The following KCNH6 variants were observed in gnomAD, a reference collection of about 807,000 sequenced individuals.
KCNH6 encodes the protein potassium voltage-gated channel subfamily H member 6, also known as voltage-gated inwardly rectifying potassium channel KCNH6.
KCNH6 carries 81 observed loss-of-function variants against 83.4 expected under a neutral mutation model. The ratio of observed to expected loss-of-function variants is 0.97; its 90% CI spans 0.81 to 1.17. KCNH6 has a LOEUF of 1.17. KCNH6 is among the 50% of genes most tolerant of loss of function. The pLI is 0.00. For missense variants in KCNH6, 1,203 were observed against 1,290.5 expected (o/e 0.93, Z 1.04); for synonymous variants, 503 against 545.6 (o/e 0.92, Z 1.09).
Position 63,544,313 on chromosome 17 carries a change from G to T in KCNH6, c.2298G>T (p.Met766Ile). The T allele has an allele frequency of 6.2e-7, 1 of 1,611,746 alleles. No homozygotes were observed. Among genetic ancestry groups the T allele is most frequent in the Non-Finnish European group, 8.5e-7 (1 of 1,178,966 alleles). ...SGLWPELLQE[M>I]PPRHSPQSPQ... ...TCTGGCCTGAGCTACTGCAGGAAAT[G>T]CCCCCAAGGCACAGCCCCCAAAGCC... is the stretch of plus-strand genomic sequence containing the variant. The change falls in exon 11 of 13, where the codon ATG becomes ATT. Residue 766 changes from methionine to isoleucine, a missense_variant. Met to Ile is a conservative substitution (Grantham distance 10, BLOSUM62 1). Coordinates refer to ENST00000314672, the MANE Select transcript of KCNH6 (RefSeq NM_001278919.2).
In KCNH6 at chr17:63,537,824, C is replaced by T. The variant is rs138673317; in HGVS notation, c.1502-241C>T. On this transcript the variant is annotated intron_variant, in intron 6 of 12. Transcript: ENST00000314672. ...ATCCATTGCCTTCCTTCTTTCTTCT[C>T]GGGAGTTTGACCGCTAGGCCCAGTA... 7.2e-5 allele frequency among the ~76,000 whole-genome samples: 11 copies of T among 152,294 alleles called. No homozygotes were observed. In the East Asian group the frequency reaches 2.1e-3, roughly 29 times the overall value.
At chr17:63,529,939 C>A in intron 2 of KCNH6, 152 bp from the exon 3 acceptor site, 1 of 792,382 alleles carries the variant, frequency 1.3e-6, no homozygotes, top group Non-Finnish European at 2.0e-6. Flanking sequence ...CAGCCTCACC[C>A]ACCCTCTGCC....
In KCNH6 at chr17:63,545,195, G is replaced by C; in HGVS notation, c.2514G>C (p.Leu838Phe). 6.2e-7 allele frequency: 1 copy of C among 1,613,792 alleles called. No individual in the cohort carries two copies. The highest frequency in any genetic ancestry group is 1.1e-5 in the South Asian group (1 of 91,084). The change falls in exon 12 of 13, where the codon TTG becomes TTC. Residue 838 changes from leucine (L) to phenylalanine (F), a missense_variant. Physicochemically the swap from Leu to Phe is conservative, Grantham distance 22 (BLOSUM62 0). Coordinates refer to ENST00000314672, the MANE Select transcript of KCNH6 (RefSeq NM_001278919.2). ...CCCCTGCCTCCAATGACCTGGCCTT[G>C]GTTCCTATAGCCTCGGAGACGACGA... ...LEAPASNDLA[L>F]VPIASETTSP... is the part of the protein sequence containing the mutation.
Position 63,533,902 on chromosome 17 carries a change from C to T in KCNH6, c.692C>T (p.Ala231Val), listed in dbSNP as rs759800226. ...CACCCCCAGGTCCTGTCCCTGGGCG[C>T]GGATGTGCTGCCGGAGTACAAGCTG... The part of the protein sequence containing the change: ...EKVTQVLSLG[A>V]DVLPEYKLQA... The change falls in exon 5 of 13, where the codon GCG becomes GTG. Residue 231 changes from alanine to valine, a missense_variant. Ala to Val is a moderately conservative substitution (Grantham distance 64, BLOSUM62 0). Coordinates refer to ENST00000314672, the MANE Select transcript of KCNH6 (RefSeq NM_001278919.2). This position sits in a 1 kb window ranked among gnomAD's most constrained non-coding sequence, Gnocchi z 4.1. 163 of 1,613,298 alleles carry T rather than the reference C, an allele frequency of 1.0e-4. No individual in the cohort carries two copies. The highest frequency in any genetic ancestry group is 1.8e-4 in the East Asian group (8 of 44,864).
rs777224357 is a variant in KCNH6 at position 63,543,663 on chromosome 17, G to A, written c.2233+3G>A. On this transcript the variant is annotated splice_donor_region_variant and intron_variant, in intron 10 of 12. Transcript: ENST00000314672. ...CTTTCTCAGTGACAACCAGTCAGGT[G>A]AGCAAAGCCAGCCCCCACCCCCACC... The A allele has an allele frequency of 2.7e-5, 44 of 1,604,578 alleles. No homozygotes were observed. The highest frequency in any genetic ancestry group is 7.7e-5 in the South Asian group (7 of 90,940).
At position 63,544,371 on chromosome 17, in the gene KCNH6, C is replaced by T. The variant is rs745962659; in HGVS notation, c.2356C>T (p.Leu786=). ...AGACCCAGATTGCTGGCCTCTGAAG[C>T]TGGGCTCCAGGCTAGAGCAGCTCCA... ...QEDPDCWPLK[L]GSRLEQLQAQ... The change falls in exon 11 of 13, where the codon CTG becomes TTG. Residue 786 remains leucine, a synonymous_variant. Coordinates refer to ENST00000314672, the MANE Select transcript of KCNH6 (RefSeq NM_001278919.2). The T allele has an allele frequency of 4.4e-6, 7 of 1,608,278 alleles. No homozygotes were observed. The African/African-American group carries it at 9.4e-5, about 22-fold the overall frequency.
rs759677672 is a variant in KCNH6 at position 63,535,726 on chromosome 17, G to A, written c.1159G>A (p.Ala387Thr). The change falls in exon 6 of 13, where the codon GCA becomes ACA. Residue 387 changes from alanine to threonine, a missense_variant. Ala to Thr is a moderately conservative substitution (Grantham distance 58, BLOSUM62 0). Coordinates refer to ENST00000314672, the MANE Select transcript of KCNH6 (RefSeq NM_001278919.2). This position sits in a 1 kb window ranked among gnomAD's most constrained non-coding sequence, Gnocchi z 4.9. ...GCGGCTGCTGCGGCTGGTGCGCGTA[G>A]CACGGAAGCTGGACCGCTACTCTGA... is the stretch of plus-strand genomic sequence containing the variant. ...TARLLRLVRVARKLDRYSEYG... is the reference protein window; with the variant it reads ...TARLLRLVRVTRKLDRYSEYG... 3.1e-6 allele frequency: 5 copies of A among 1,613,390 alleles called. No individual in the cohort carries two copies. Among genetic ancestry groups the A allele is most frequent in the Non-Finnish European group, 4.2e-6 (5 of 1,179,990 alleles).
rs2032653299 is a variant in KCNH6, at chr17:63,538,368, AC to A, written c.1702-38del. On this transcript the variant is annotated intron_variant, in intron 7 of 12. Coordinates refer to ENST00000314672, the MANE Select transcript of KCNH6 (RefSeq NM_001278919.2). This position sits in a 1 kb window ranked among gnomAD's most constrained non-coding sequence, Gnocchi z 4.0. Reference sequence around the variant, plus strand: ...CCTCACCACCCTCTCCCCCAGCCCCACCCCGGCCGCGTCCCGCTGGACTTGG... The same window carrying A: ...CCTCACCACCCTCTCCCCCAGCCCCACCCGGCCGCGTCCCGCTGGACTTGG... 4 of 1,587,394 alleles carry A rather than the reference AC, an allele frequency of 2.5e-6. No homozygotes were observed. The highest frequency in any genetic ancestry group is 2.7e-5 in the African/African-American group (2 of 74,088).
chr17:63,523,655 C>A lies in KCNH6; in HGVS notation c.76+166C>A, dbSNP rs1029578139. ...CCCAACACCTTCTCCTCCAGGGGGACCCGCTTGCCTTAAATGCTGTCCTCT... is the reference window on the plus strand; with the variant it reads ...CCCAACACCTTCTCCTCCAGGGGGAACCGCTTGCCTTAAATGCTGTCCTCT... On this transcript the variant is annotated intron_variant, in intron 1 of 12. Transcript: ENST00000314672. This position sits in a 1 kb window ranked among gnomAD's most constrained non-coding sequence, Gnocchi z 4.2. 6.6e-6 allele frequency among the ~76,000 whole-genome samples: 1 copy of A among 152,086 alleles called. No individual in the cohort carries two copies.
At position 63,534,064 on chromosome 17, in the gene KCNH6, A is replaced by G. The variant is rs748227803; in HGVS notation, c.854A>G (p.Gln285Arg). Residue 285 changes from glutamine (Q) to arginine (R), a missense_variant, in exon 5 of 13, where the codon CAG (glutamine) becomes CGG (arginine). By Grantham distance (43) the Gln-to-Arg change is conservative (BLOSUM62 1). Coordinates refer to ENST00000314672, the MANE Select transcript of KCNH6 (RefSeq NM_001278919.2). The surrounding 1 kb of genome is among the most constrained non-coding windows in gnomAD (Gnocchi z 5.0). ...PYSAAFLLSD[Q>R]DESRRGACSY... ...TCAGCCGCCTTCCTGCTCAGCGATC[A>G]GGACGAATCACGGCGTGGGGCCTGC... The G allele has an allele frequency of 6.2e-6, 10 of 1,614,156 alleles. No homozygotes were observed. The highest frequency in any genetic ancestry group is 8.5e-6 in the Non-Finnish European group (10 of 1,180,018).
chr17:63,527,071 G>T (rs575035117), intron 2 of KCNH6, among the ~76,000 whole-genome samples: 2 of 152,040 alleles, frequency 1.3e-5, no homozygotes, highest in African/African-American at 4.8e-5. Context: ...GCACCTGCCC[G>T]GGAGCCCACC....
rs1555678028 is a variant in KCNH6 at position 63,538,299 on chromosome 17, T to TA, written c.1701+35_1701+36insA. The stretch of plus-strand genomic sequence containing the variant: ...GCCGCTCCGGCTAATGCCCCGGGCG[T>TA]GGGGGGGAGCCAAGATCCTGCGGGG... On this transcript the variant is annotated intron_variant, in intron 7 of 12. Transcript: ENST00000314672. This position sits in a 1 kb window ranked among gnomAD's most constrained non-coding sequence, Gnocchi z 4.0. 3.5e-5 allele frequency: 57 copies of TA among 1,608,790 alleles called. No homozygotes were observed. The South Asian group carries it at 5.6e-4, about 16-fold the overall frequency.
In KCNH6 at chr17:63,538,261, C is replaced by T. The variant is rs773453218; in HGVS notation, c.1698C>T (p.Asn566=). ...AWSYTNGIDM[N]AVLKGFPECL... ...CCTACACCAATGGCATTGACATGAA[C>T]GCGGTGAGCCCCGCCGCTCCGGCTA... Residue 566 remains asparagine (N), a synonymous_variant, in exon 7 of 13, where the codon AAC becomes AAT. Coordinates refer to ENST00000314672, the MANE Select transcript of KCNH6 (RefSeq NM_001278919.2). The surrounding 1 kb of genome is among the most constrained non-coding windows in gnomAD (Gnocchi z 4.0). The T allele has an allele frequency of 3.1e-6, 5 of 1,613,506 alleles. No homozygotes were observed. Among genetic ancestry groups the T allele is most frequent in the Admixed American group, 1.7e-5 (1 of 59,986 alleles).
Position 63,534,031 on chromosome 17 carries a change from C to G in KCNH6, c.821C>G (p.Thr274Arg), listed in dbSNP as rs752536722. Residue 274 changes from threonine (T) to arginine (R), a missense_variant, in exon 5 of 13, where the codon ACG (threonine) becomes AGG (arginine). Physicochemically the swap from Thr to Arg is moderately conservative, Grantham distance 71. Transcript: ENST00000314672. This position sits in a 1 kb window ranked among gnomAD's most constrained non-coding sequence, Gnocchi z 5.0. ...LLLVIYTAVF[T>R]PYSAAFLLSD... ...CTGGTCATCTACACGGCTGTCTTCACGCCCTACTCAGCCGCCTTCCTGCTC... is the reference window on the plus strand; with the variant it reads ...CTGGTCATCTACACGGCTGTCTTCAGGCCCTACTCAGCCGCCTTCCTGCTC... 3 of 1,614,180 alleles carry G rather than the reference C, an allele frequency of 1.9e-6. No individual in the cohort carries two copies. Among genetic ancestry groups the G allele is most frequent in the Non-Finnish European group, 2.5e-6 (3 of 1,180,014 alleles).
intron 2 of KCNH6, among the ~76,000 whole-genome samples, chr17:63,524,820 T>G (rs886160118): frequency 6.6e-6 from 1 of 152,182 alleles, no homozygotes; most frequent in Non-Finnish European, 1.5e-5. Flanking sequence ...CCTTATCCAG[T>G]CTCAGCTCTT....
Position 63,533,879 on chromosome 17 carries a change from C to A in KCNH6, c.676-7C>A, listed in dbSNP as rs751322508. On this transcript the variant is annotated splice_polypyrimidine_tract_variant and splice_region_variant and intron_variant, in intron 4 of 12. Transcript: ENST00000314672. The surrounding 1 kb of genome is among the most constrained non-coding windows in gnomAD (Gnocchi z 4.1). ...CGTGCCTGACCTCCCTCGGCCCCCA[C>A]CCCCAGGTCCTGTCCCTGGGCGCGG... 1.8e-5 allele frequency: 29 copies of A among 1,609,158 alleles called. No homozygotes were observed. The South Asian group carries it at 3.1e-4, about 17-fold the overall frequency.
intron 9 of KCNH6, 122 bp from the exon 10 acceptor site, chr17:63,543,454 G>A: frequency 1.4e-6 from 1 of 694,552 alleles, no homozygotes; most frequent in South Asian, 1.6e-5. Context: ...TCGCTGCTGT[G>A]CCCAGCTGCT....
Position 63,538,258 on chromosome 17 carries a change from G to A in KCNH6, c.1695G>A (p.Met565Ile), listed in dbSNP as rs1243475847. ...GGTCCTACACCAATGGCATTGACATGAACGCGGTGAGCCCCGCCGCTCCGG... is the reference window on the plus strand; with the variant it reads ...GGTCCTACACCAATGGCATTGACATAAACGCGGTGAGCCCCGCCGCTCCGG... The part of the protein sequence containing the change: ...HAWSYTNGID[M>I]NAVLKGFPEC... The change falls in exon 7 of 13, where the codon ATG (methionine) becomes ATA (isoleucine). Residue 565 changes from methionine to isoleucine, a missense_variant. Coordinates refer to ENST00000314672, the MANE Select transcript of KCNH6 (RefSeq NM_001278919.2). This position sits in a 1 kb window ranked among gnomAD's most constrained non-coding sequence, Gnocchi z 4.0. 2 of 1,613,696 alleles carry A rather than the reference G, an allele frequency of 1.2e-6. No individual in the cohort carries two copies. The highest frequency in any genetic ancestry group is 2.7e-5 in the African/African-American group (2 of 74,844).
Position 63,545,808 on chromosome 17 carries a change from C to T in KCNH6, c.2783C>T (p.Ser928Phe), listed in dbSNP as rs1216590311. The T allele has an allele frequency of 1.9e-6, 3 of 1,613,986 alleles. No individual in the cohort carries two copies. Among genetic ancestry groups the T allele is most frequent in the African/African-American group, 2.7e-5 (2 of 74,910 alleles). The change falls in exon 13 of 13, where the codon TCC becomes TTC. Residue 928 changes from serine to phenylalanine, a missense_variant. Coordinates refer to ENST00000314672, the MANE Select transcript of KCNH6 (RefSeq NM_001278919.2). ...VQGLICGPCFSSLPEHLGSVP... is the reference protein window; with the variant it reads ...VQGLICGPCFFSLPEHLGSVP... ...GGACTCATCTGTGGTCCCTGCTTCT[C>T]CTCCCTCCCTGAACACCTTGGCTCT... is the stretch of plus-strand genomic sequence containing the variant.
Sources: allele counts gnomAD v4.1 joint callset (sites outside exome capture counted in the v4.1 genomes callset), GRCh38; gene constraint gnomAD v4.1.1; non-coding constraint Gnocchi (gnomAD v3.1); transcripts MANE v1.5; gene names NCBI Gene and HGNC (gene_info 2026-07-23, HGNC 2026-07-21).